Variants in MALRD1 observed in about 807,000 individuals in gnomAD.
MALRD1 encodes the protein MAM and LDL-receptor class A domain-containing protein 1.
A neutral mutation model predicts 242.1 loss-of-function variants in MALRD1; 247 were observed. The ratio of observed to expected loss-of-function variants is 1.02; its 90% CI spans 0.92 to 1.13. MALRD1 has a LOEUF of 1.13. Ranked by LOEUF, MALRD1 falls within the 50% of genes most tolerant of loss-of-function variation. The probability of loss-of-function intolerance (pLI) is 0.00; values close to 1 mark genes in which losing one functional copy is unlikely to be tolerated. For synonymous variants in MALRD1, 995 were observed against 866.6 expected (o/e 1.15, Z -2.60); for missense variants, 2,989 against 2,533.1 (o/e 1.18, Z -3.86).
chr10:19,727,715 C>A (rs1165568484), intron 38 of MALRD1, among the ~76,000 whole-genome samples: 1 of 151,616 alleles, frequency 6.6e-6, no homozygotes, highest in Non-Finnish European at 1.5e-5. Context: ...GAAAAAAAAT[C>A]AACTGCTTAA....
intron 5 of MALRD1, among the ~76,000 whole-genome samples, chr10:19,122,295 T>C (rs901128934): frequency 7.2e-5 from 11 of 152,122 alleles, no homozygotes; most frequent in African/African-American, 2.7e-4. Context: ...GGGCTGATGG[T>C]TGGGGAGTGG....
intron 1 of MALRD1, among the ~76,000 whole-genome samples, chr10:19,055,395 T>C (rs1834632886): frequency 1.3e-5 from 2 of 152,196 alleles, no homozygotes; most frequent in Admixed American, 1.3e-4. Flanking sequence ...GCAGAAGCTT[T>C]TTAGTTTGAT....
At chr10:19,216,816 C>T (rs1837336286) in intron 18 of MALRD1, among the ~76,000 whole-genome samples, 1 of 151,522 alleles carries the variant, frequency 6.6e-6, no homozygotes, top group South Asian at 2.1e-4. Context: ...CGTGGTGGTG[C>T]GTGCCTGTAG....
intron 1 of MALRD1, among the ~76,000 whole-genome samples, chr10:19,064,197 C>A (rs1459345651): frequency 6.6e-6 from 1 of 152,154 alleles, no homozygotes; most frequent in Non-Finnish European, 1.5e-5. Context: ...AGTCCAGGAA[C>A]TTGGATTCCA....
At chr10:19,053,399 G>A (rs1204937828) in intron 1 of MALRD1, among the ~76,000 whole-genome samples, 1 of 152,124 alleles carries the variant, frequency 6.6e-6, no homozygotes, top group African/African-American at 2.4e-5. Flanking sequence ...GCATGCCTTG[G>A]TTTTGGTGCT....
At chr10:19,476,775 A>C (rs10734018) in intron 29 of MALRD1, among the ~76,000 whole-genome samples, 1 of 152,132 alleles carries the variant, frequency 6.6e-6, no homozygotes, top group South Asian at 2.1e-4. Flanking sequence ...CAACACTCTA[A>C]TTATGTTTTT....
intron 4 of MALRD1, among the ~76,000 whole-genome samples, chr10:19,100,632 A>T (rs1836216326): frequency 6.6e-6 from 1 of 152,160 alleles, no homozygotes; most frequent in Non-Finnish European, 1.5e-5. Context: ...GAGAGCTCCA[A>T]TCCGAGGAGA....
chr10:19,599,905 G>C (rs555681106), intron 34 of MALRD1, among the ~76,000 whole-genome samples: 1 of 152,224 alleles, frequency 6.6e-6, no homozygotes, highest in African/African-American at 2.4e-5. Flanking sequence ...AAATCCAATC[G>C]TACACCAGAA....
chr10:19,471,320 G>T (rs1367848536), intron 29 of MALRD1, among the ~76,000 whole-genome samples: 2 of 151,744 alleles, frequency 1.3e-5, no homozygotes. Context: ...TATCCACACT[G>T]TTTTCATTAC....
chr10:19,604,729 A>C (rs1027800993), intron 34 of MALRD1, among the ~76,000 whole-genome samples: 13 of 152,174 alleles, frequency 8.5e-5, no homozygotes, highest in African/African-American at 2.9e-4. Context: ...TGCCTGGCTT[A>C]ACTAAAAACT....
At chr10:19,329,298 G>A (rs947651237) in intron 23 of MALRD1, among the ~76,000 whole-genome samples, 5 of 152,054 alleles carry the variant, frequency 3.3e-5, no homozygotes, top group South Asian at 2.1e-4. Context: ...TTACAAGATC[G>A]TTCTCTTTAG....
intron 26 of MALRD1, among the ~76,000 whole-genome samples, chr10:19,373,877 A>T (rs1279815821): frequency 6.6e-6 from 1 of 152,202 alleles, no homozygotes; most frequent in African/African-American, 2.4e-5. Flanking sequence ...TTCACTAGAT[A>T]TACAAGAACG....
intron 36 of MALRD1, among the ~76,000 whole-genome samples, chr10:19,658,289 T>A (rs1841263679): frequency 1.3e-5 from 2 of 152,200 alleles, no homozygotes; most frequent in Non-Finnish European, 2.9e-5. Context: ...TAAACGTTGA[T>A]ATCTTCGTCT....
At chr10:19,705,433 C>A (rs891878777) in intron 38 of MALRD1, among the ~76,000 whole-genome samples, 3 of 152,168 alleles carry the variant, frequency 2.0e-5, no homozygotes, top group African/African-American at 7.2e-5. Context: ...ACTCTCTCCA[C>A]GTGTCCACAT....
At chr10:19,131,021 A>T (rs551889435) in intron 8 of MALRD1, among the ~76,000 whole-genome samples, 69 of 152,234 alleles carry the variant, frequency 4.5e-4, no homozygotes, top group South Asian at 1.2e-3. Flanking sequence ...TTGTTGACTG[A>T]TGTTTGATTT....
intron 11 of MALRD1, among the ~76,000 whole-genome samples, chr10:19,149,030 AG>A (rs537690826): frequency 1.4e-3 from 208 of 152,136 alleles, no homozygotes; most frequent in African/African-American, 4.7e-3. Context: ...TTTTGTTCTT[AG>A]AGCCTTAAAC....
intron 20 of MALRD1, among the ~76,000 whole-genome samples, chr10:19,282,807 CT>C (rs1188189523): frequency 2.5e-5 from 3 of 119,004 alleles, no homozygotes; most frequent in Non-Finnish European, 3.9e-5. Context: ...GTATTTTTTC[CT>C]ATATTTTTTC....
At chr10:19,170,461 A>T (rs1006201284) in intron 13 of MALRD1, among the ~76,000 whole-genome samples, 2 of 152,196 alleles carry the variant, frequency 1.3e-5, no homozygotes, top group Non-Finnish European at 2.9e-5. Flanking sequence ...AATTTCACAC[A>T]ATGATGGATA....
chr10:19,634,556 G>GA (rs1840041771), intron 36 of MALRD1, among the ~76,000 whole-genome samples: 1 of 152,054 alleles, frequency 6.6e-6, no homozygotes, highest in Admixed American at 6.6e-5. Flanking sequence ...AATTGTATTC[G>GA]AAAAGTCATG....
Sources: gnomAD v4.1 joint callset for allele counts (sites outside exome capture counted in the v4.1 genomes callset) on GRCh38, gnomAD v4.1.1 for gene constraint, MANE v1.5 for transcripts, NCBI Gene and HGNC (gene_info 2026-07-23, HGNC 2026-07-21) for gene names.